Variants in STAG1 observed in about 807,000 individuals in gnomAD.
The protein encoded by STAG1 is cohesin subunit SA-1.
A neutral mutation model predicts 170.9 loss-of-function variants in STAG1; 26 were observed. That is an observed-to-expected ratio of 0.15 (90% CI 0.11 to 0.21). The LOEUF (loss-of-function observed/expected upper bound fraction) is 0.21. STAG1 is among the 10% of genes least tolerant of loss of function. The pLI is 1.00. For synonymous variants in STAG1, 514 were observed against 497.7 expected (o/e 1.03, Z -0.44); for missense variants, 964 against 1,509.5 (o/e 0.64, Z 5.99).
intron 13 of STAG1, among the ~76,000 whole-genome samples, chr3:136,462,561 C>A (rs1379319713): frequency 2.0e-5 from 3 of 152,012 alleles, no homozygotes; most frequent in African/African-American, 7.2e-5. Flanking sequence ...TTAATGGGTT[C>A]AAAAATACAG....
chr3:136,476,327 T>C (rs1333909819), intron 10 of STAG1, among the ~76,000 whole-genome samples: 2 of 152,100 alleles, frequency 1.3e-5, no homozygotes, highest in African/African-American at 4.8e-5. Flanking sequence ...GATGTGAAGA[T>C]CCCAGAAGAG....
At chr3:136,679,133 C>T (rs936771413) in intron 1 of STAG1, among the ~76,000 whole-genome samples, 4 of 152,084 alleles carry the variant, frequency 2.6e-5, no homozygotes, top group Non-Finnish European at 4.4e-5. Context: ...AAGTTACAGC[C>T]CTACTGCTGG....
chr3:136,686,729 A>C (rs1942543836), intron 1 of STAG1, among the ~76,000 whole-genome samples: 1 of 152,170 alleles, frequency 6.6e-6, no homozygotes, highest in Non-Finnish European at 1.5e-5. Context: ...GAACCAGGTG[A>C]CTTGTTTTTT....
chr3:136,339,307 G>A (rs1217388946), intron 32 of STAG1, among the ~76,000 whole-genome samples: 7 of 152,116 alleles, frequency 4.6e-5, no homozygotes, highest in East Asian at 3.8e-4. Context: ...GGCGGATCAC[G>A]AGGTCAAGAG....
intron 13 of STAG1, among the ~76,000 whole-genome samples, chr3:136,458,527 T>C (rs550663148): frequency 2.0e-5 from 3 of 152,150 alleles, no homozygotes; most frequent in East Asian, 3.9e-4. Flanking sequence ...ATGTCTATAA[T>C]AGATACACCA....
In STAG1 at chr3:136,477,328, G is replaced by A; in HGVS notation, c.987C>T (p.Asp329=). 6.2e-7 allele frequency: 1 copy of A among 1,613,032 alleles called. No homozygotes were observed. Residue 329 remains aspartate (D), a synonymous_variant, in exon 10 of 34, where the codon GAC becomes GAT. Transcript: ENST00000383202. ...TCCAGCCAACATATTTTAGGTAACTGTCATTTAGGAAGGCATCACTATACA... is the reference window on the plus strand; with the variant it reads ...TCCAGCCAACATATTTTAGGTAACTATCATTTAGGAAGGCATCACTATACA... ...MKMYSDAFLN[D]SYLKYVGWTL... is the part of the protein sequence containing the mutation.
intron 31 of STAG1, among the ~76,000 whole-genome samples, 198 bp downstream of exon 31, chr3:136,341,243 C>T (rs909405058): frequency 6.6e-6 from 1 of 152,226 alleles, no homozygotes; most frequent in Admixed American, 6.5e-5. Context: ...CAAGGCCATG[C>T]AGCTGCCAAG....
At chr3:136,663,765 GT>G (rs1188799722) in intron 1 of STAG1, among the ~76,000 whole-genome samples, 3 of 151,946 alleles carry the variant, frequency 2.0e-5, no homozygotes, top group African/African-American at 7.3e-5. Flanking sequence ...GTTTTATTTT[GT>G]TTTTAAACTC....
At chr3:136,562,068 C>T (rs1251807776) in intron 5 of STAG1, among the ~76,000 whole-genome samples, 1 of 152,112 alleles carries the variant, frequency 6.6e-6, no homozygotes, top group Non-Finnish European at 1.5e-5. Context: ...TATTATACAA[C>T]CACAGTATAG....
chr3:136,363,742 G>A (rs1936968683), intron 25 of STAG1, among the ~76,000 whole-genome samples: 1 of 152,114 alleles, frequency 6.6e-6, no homozygotes, highest in Admixed American at 6.6e-5. Flanking sequence ...AGGAAGAGAG[G>A]TGGTGAGAAA....
chr3:136,607,497 G>T (rs1185271889), intron 3 of STAG1, among the ~76,000 whole-genome samples: 1 of 152,024 alleles, frequency 6.6e-6, no homozygotes, highest in Non-Finnish European at 1.5e-5. Context: ...CTGCCTCCTG[G>T]GTTCAAGCGA....
At chr3:136,441,938 C>T (rs568947753) in intron 15 of STAG1, among the ~76,000 whole-genome samples, 5 of 152,170 alleles carry the variant, frequency 3.3e-5, no homozygotes, top group Non-Finnish European at 7.3e-5. Context: ...TGGCTCACGC[C>T]TGTAATTCAA....
At chr3:136,417,553 G>A (rs757076779) in intron 21 of STAG1, 5 of 209,706 alleles carry the variant, frequency 2.4e-5, no homozygotes, top group Non-Finnish European at 3.9e-5. Context: ...CCTAGAACAC[G>A]GCTGGAATAT....
At chr3:136,342,002 T>C (rs911176178) in intron 30 of STAG1, among the ~76,000 whole-genome samples, 2 of 152,140 alleles carry the variant, frequency 1.3e-5, no homozygotes, top group Non-Finnish European at 2.9e-5. Context: ...TGGAAGTGTG[T>C]GTAAACATGC....
chr3:136,594,648 TA>T (rs1938336214), intron 4 of STAG1, among the ~76,000 whole-genome samples: 1 of 152,246 alleles, frequency 6.6e-6, no homozygotes, highest in Non-Finnish European at 1.5e-5. Flanking sequence ...TTGATTGGTA[TA>T]AACTATTTCT....
rs201247138 is a variant in STAG1 at position 136,577,602 on chromosome 3, C to CAGATGCCT, written c.298-8749_298-8742dup. Reference sequence around the variant, plus strand: ...AAGCCCTCTGATAACTTTACATGGACAGATGCCTTGAAGGGGGATGCTCAT... The same window carrying CAGATGCCT: ...AAGCCCTCTGATAACTTTACATGGACAGATGCCTAGATGCCTTGAAGGGGGATGCTCAT... On this transcript the variant is annotated intron_variant, in intron 4 of 33. Transcript: ENST00000383202. Among the ~76,000 whole-genome samples the CAGATGCCT allele has an allele frequency of 8.5e-3, 1,290 of 152,244 alleles. 21 individuals are homozygous for CAGATGCCT. Among genetic ancestry groups the CAGATGCCT allele is most frequent in the African/African-American group, 0.03 (1,234 of 41,528 alleles).
chr3:136,339,679 TCTCA>T (rs1285585457), intron 32 of STAG1, among the ~76,000 whole-genome samples: 4 of 152,302 alleles, frequency 2.6e-5, no homozygotes, highest in Non-Finnish European at 4.4e-5. Flanking sequence ...TTCCACTGAG[TCTCA>T]CTGTTTTTCC....
At chr3:136,391,129 G>A (rs1018896984) in intron 22 of STAG1, among the ~76,000 whole-genome samples, 1 of 152,144 alleles carries the variant, frequency 6.6e-6, no homozygotes, top group African/African-American at 2.4e-5. Context: ...GCTACCTAGG[G>A]TATATTGACT....
At chr3:136,444,837 A>G (rs2088730935) in intron 14 of STAG1, among the ~76,000 whole-genome samples, 1 of 152,134 alleles carries the variant, frequency 6.6e-6, no homozygotes, top group Admixed American at 6.5e-5. Context: ...TCCTAACTCT[A>G]TAATCACTCT....
Sources: gnomAD v4.1 joint callset for allele counts (sites outside exome capture counted in the v4.1 genomes callset) on GRCh38, gnomAD v4.1.1 for gene constraint, MANE v1.5 for transcripts, NCBI Gene and HGNC (gene_info 2026-07-23, HGNC 2026-07-21) for gene names.